Variants in DOCK7 observed in about 807,000 individuals in gnomAD.
The protein encoded by DOCK7 is dedicator of cytokinesis protein 7.
In DOCK7, 138 loss-of-function variants were observed where a neutral mutation model predicts 271.0. That is an observed-to-expected ratio of 0.51 (90% CI 0.44 to 0.59). DOCK7 has a LOEUF of 0.59. Ranked by LOEUF, DOCK7 falls within the 20% of genes least tolerant of loss-of-function variation. The pLI, the probability that DOCK7 is intolerant of heterozygous loss-of-function variation, is 0.00. For missense variants in DOCK7, 2,066 were observed against 2,592.4 expected (o/e 0.80, Z 4.41); for synonymous variants, 823 against 876.1 (o/e 0.94, Z 1.07).
At chr1:62,624,842 G>A (rs1653739020) in intron 12 of DOCK7, among the ~76,000 whole-genome samples, 1 of 151,998 alleles carries the variant, frequency 6.6e-6, no homozygotes, top group Non-Finnish European at 1.5e-5. Context: ...GGCATGGTGG[G>A]TGCCTGCAAT....
At chr1:62,459,748 A>C (rs1269814023) in intron 48 of DOCK7, among the ~76,000 whole-genome samples, 1 of 152,172 alleles carries the variant, frequency 6.6e-6, no homozygotes, top group Non-Finnish European at 1.5e-5. Flanking sequence ...ACTAACTTCT[A>C]CTAAACATCC....
chr1:62,526,794 C>G (rs1194199556), intron 31 of DOCK7, among the ~76,000 whole-genome samples: 1 of 152,120 alleles, frequency 6.6e-6, no homozygotes, highest in Non-Finnish European at 1.5e-5. Context: ...ACCTCAAAAA[C>G]TTATGCTTAG....
chr1:62,474,960 T>C (rs966023014), intron 47 of DOCK7, among the ~76,000 whole-genome samples: 2 of 152,208 alleles, frequency 1.3e-5, no homozygotes, highest in African/African-American at 4.8e-5. Context: ...TTCGCAAATA[T>C]GTACATAGCT....
At chr1:62,467,410 G>C (rs931767134) in intron 48 of DOCK7, among the ~76,000 whole-genome samples, 22 of 152,184 alleles carry the variant, frequency 1.4e-4, no homozygotes. Flanking sequence ...ACCACTGCCA[G>C]AAAATAAGGC....
chr1:62,526,971 T>C (rs548765663), intron 31 of DOCK7, among the ~76,000 whole-genome samples: 6 of 152,318 alleles, frequency 3.9e-5, no homozygotes, highest in Non-Finnish European at 7.4e-5. Context: ...GGAAATGTTC[T>C]AAAATTAGCT....
In DOCK7 at chr1:62,688,286, G is replaced by T. The variant is rs752444376; in HGVS notation, c.-22C>A. 4 of 1,230,064 alleles carry T rather than the reference G, an allele frequency of 3.3e-6. No homozygotes were observed. Among genetic ancestry groups the T allele is most frequent in the South Asian group, 5.8e-5 (2 of 34,498 alleles). The allele number at this position is 1,230,064 out of a possible 1,614,324, so 76.2% of individuals were successfully genotyped here. A position where few individuals can be genotyped will look rare whatever the true frequency, so the allele number is the denominator to read the frequency against. ...CCATGGCTGCTGCGGCGACGGCGAC[G>T]GCGGCGGCGGCTGCGGCGGGCCGGG... is the stretch of plus-strand genomic sequence containing the variant. On this transcript the variant is annotated 5_prime_UTR_variant, in exon 1 of 50. Coordinates refer to ENST00000635253, the MANE Select transcript of DOCK7 (RefSeq NM_001367561.1).
chr1:62,465,697 G>A (rs1645656746), intron 48 of DOCK7, among the ~76,000 whole-genome samples: 2 of 152,054 alleles, frequency 1.3e-5, no homozygotes, highest in African/African-American at 4.8e-5. Flanking sequence ...GATTACATGT[G>A]TGTGCCACCA....
rs533864777 is a variant in DOCK7, at chr1:62,641,000, C to T, written c.819-4397G>A. On this transcript the variant is annotated intron_variant, in intron 7 of 49. Coordinates refer to ENST00000635253, the MANE Select transcript of DOCK7 (RefSeq NM_001367561.1). ...TCTGTTCCTTGCCCCCAGCTTCCTA[C>T]ATCCCAGGCTGCCTGTGGCACCTGG... 316 of 163,362 alleles carry T rather than the reference C, an allele frequency of 1.9e-3. 2 individuals are homozygous for T. The highest frequency in any genetic ancestry group is 7.2e-3 in the African/African-American group (300 of 41,678). The allele number at this position is 163,362 out of a possible 1,614,324, so 10.1% of individuals were successfully genotyped here.
chr1:62,564,046 T>C (rs1646428720), intron 18 of DOCK7, among the ~76,000 whole-genome samples: 1 of 152,022 alleles, frequency 6.6e-6, no homozygotes, highest in Admixed American at 6.6e-5. Context: ...ATGCACCCAA[T>C]AGAAGAGCAC....
intron 18 of DOCK7, among the ~76,000 whole-genome samples, chr1:62,565,786 T>G (rs1472142450): frequency 2.0e-5 from 3 of 152,196 alleles, no homozygotes; most frequent in Non-Finnish European, 4.4e-5. Context: ...GCAGATGACA[T>G]GATTGTATTT....
intron 31 of DOCK7, among the ~76,000 whole-genome samples, chr1:62,517,980 T>C (rs948684263): frequency 3.9e-5 from 6 of 152,172 alleles, no homozygotes; most frequent in African/African-American, 1.4e-4. Context: ...CATAATTATA[T>C]TTTCTAACGG....
At chr1:62,607,141 G>C (rs1272294092) in intron 14 of DOCK7, among the ~76,000 whole-genome samples, 1 of 152,074 alleles carries the variant, frequency 6.6e-6, no homozygotes, top group Non-Finnish European at 1.5e-5. Flanking sequence ...AGGAGGCGGA[G>C]GTTGCAGTGA....
intron 17 of DOCK7, among the ~76,000 whole-genome samples, chr1:62,577,713 G>A (rs1191840036): frequency 1.3e-5 from 2 of 152,112 alleles, no homozygotes; most frequent in Non-Finnish European, 2.9e-5. Context: ...AATTGATTGA[G>A]ACAGGAATGA....
chr1:62,630,820 A>AAAAAAAG (rs1654530933), intron 11 of DOCK7, among the ~76,000 whole-genome samples: 1 of 152,194 alleles, frequency 6.6e-6, no homozygotes, highest in Admixed American at 6.5e-5. Flanking sequence ...AAAAAGGCAA[A>AAAAAAAG]AAAAAAGAAA....
chr1:62,582,287 A>T (rs1304261679), intron 16 of DOCK7, among the ~76,000 whole-genome samples: 1 of 152,110 alleles, frequency 6.6e-6, no homozygotes, highest in Non-Finnish European at 1.5e-5. Context: ...GCGGTGGCTC[A>T]CGCCTGTAAT....
At chr1:62,631,513 G>A in intron 10 of DOCK7, 108 bp from the exon 11 acceptor site, 2 of 990,540 alleles carry the variant, frequency 2.0e-6, no homozygotes, top group Non-Finnish European at 2.9e-6. Flanking sequence ...ATTCTCAGCA[G>A]AGATGAGAAA....
intron 21 of DOCK7, among the ~76,000 whole-genome samples, chr1:62,554,805 T>G (rs1328437147): frequency 6.6e-6 from 1 of 152,202 alleles, no homozygotes; most frequent in Non-Finnish European, 1.5e-5. Flanking sequence ...TGTCCTCAAG[T>G]GGTATAATTT....
intron 43 of DOCK7, chr1:62,485,584 T>C (rs1182054326): frequency 8.1e-6 from 8 of 985,246 alleles, no homozygotes; most frequent in East Asian, 1.1e-4. Context: ...CTAGGAAACA[T>C]TGCTTTTAGA....
chr1:62,553,138 A>G (rs898569922), intron 21 of DOCK7, among the ~76,000 whole-genome samples: 1 of 143,656 alleles, frequency 7.0e-6, no homozygotes, highest in Admixed American at 7.0e-5. Context: ...GGGTTCAAGC[A>G]ATTCTCCTGC....
Sources: allele counts gnomAD v4.1 joint callset (sites outside exome capture counted in the v4.1 genomes callset), GRCh38; gene constraint gnomAD v4.1.1; transcripts MANE v1.5; gene names NCBI Gene and HGNC (gene_info 2026-07-23, HGNC 2026-07-21).